AGGF1: variants seen among roughly 807,000 people sequenced by gnomAD.
The protein encoded by AGGF1 is angiogenic factor with G-patch and FHA domains 1.
In AGGF1, 56 loss-of-function variants were observed where a neutral mutation model predicts 86.5. That is an observed-to-expected ratio of 0.65 (90% confidence interval 0.52 to 0.81). The LOEUF is 0.81. Among genes scored for constraint, AGGF1 ranks in the 30% least tolerant of loss-of-function variants. The pLI, the probability that AGGF1 is intolerant of heterozygous loss-of-function variation, is 0.00. For missense variants in AGGF1, 816 were observed against 850.9 expected (o/e 0.96, Z 0.51); for synonymous variants, 313 against 297.1 (o/e 1.05, Z -0.55).
In AGGF1 at chr5:77,048,136, A is replaced by G. The variant is rs377502708; in HGVS notation, c.1202-25A>G. 2.0e-5 allele frequency: 28 copies of G among 1,411,330 alleles called. No homozygotes were observed. In the African/African-American group the frequency reaches 3.8e-4, roughly 19 times the overall value. 87.4% of individuals were successfully genotyped at this position (1,411,330 alleles called of 1,614,324 possible). ...TCTTTTTCATAGTAGTTAAATTAAT[A>G]TTTACTCACTTCTTTCCTTGGCAGA... On this transcript the variant is annotated intron_variant, in intron 6 of 13. Coordinates refer to ENST00000312916, the MANE Select transcript of AGGF1 (RefSeq NM_018046.5).
chr5:77,059,130 C>A (rs1422624048), intron 11 of AGGF1, among the ~76,000 whole-genome samples: 1 of 152,042 alleles, frequency 6.6e-6, no homozygotes, highest in Admixed American at 6.5e-5. Context: ...TTTTTCCCCC[C>A]AAACCCCAGG....
At chr5:77,051,368 G>A (rs1199917193) in intron 8 of AGGF1, among the ~76,000 whole-genome samples, 2 of 151,460 alleles carry the variant, frequency 1.3e-5, no homozygotes, top group African/African-American at 4.9e-5. Flanking sequence ...GGGAGGTGGA[G>A]CTTGCAGTGA....
chr5:77,054,143 G>A lies in AGGF1; in HGVS notation c.1633+13G>A. On this transcript the variant is annotated intron_variant, in intron 10 of 13. Transcript: ENST00000312916. ...GATGAATCTTTTGGTATGTGAAACA[G>A]ATTAAATGTGGCTGTGATAACATTT... 7 of 1,614,012 alleles carry A rather than the reference G, an allele frequency of 4.3e-6. No homozygotes were observed. The highest frequency in any genetic ancestry group is 2.2e-5 in the East Asian group (1 of 44,854).
chr5:77,040,162 G>A (rs1399207778), intron 5 of AGGF1, among the ~76,000 whole-genome samples: 4 of 148,968 alleles, frequency 2.7e-5, no homozygotes, highest in Non-Finnish European at 5.9e-5. Context: ...GGGCTGGAAT[G>A]CAATGGCGTG....
In AGGF1 at chr5:77,030,904, C is replaced by T. The variant is rs771920394; in HGVS notation, c.138C>T (p.Ile46=). 3 of 1,613,326 alleles carry T rather than the reference C, an allele frequency of 1.9e-6. No homozygotes were observed. Among genetic ancestry groups the T allele is most frequent in the Admixed American group, 1.7e-5 (1 of 60,030 alleles). The change falls in exon 1 of 14, where the codon ATC becomes ATT. Residue 46 remains isoleucine (I), a synonymous_variant. Coordinates refer to ENST00000312916, the MANE Select transcript of AGGF1 (RefSeq NM_018046.5). ...GCTGCAAGCGGCAGGTGCGGGAGAT[C>T]GAGAAGCTGCTGCATCACACAGAAC... ...LRSCKRQVRE[I]EKLLHHTERL...
Position 77,043,795 on chromosome 5 carries a change from C to T in AGGF1, c.871-2552C>T, listed in dbSNP as rs1337014740. ...CTCACTTCTCAGAGTGGGCAGCTGC[C>T]GGGCGGAGGGGCTCCTCACTTCTCA... On this transcript the variant is annotated intron_variant, in intron 5 of 13. Transcript: ENST00000312916. Among the ~76,000 whole-genome samples the T allele has an allele frequency of 2.0e-4, 24 of 119,182 alleles. 1 individual carries two copies. The highest frequency in any genetic ancestry group is 4.7e-4 in the African/African-American group (16 of 33,730). The allele number at this position is 119,182 out of a possible 152,430, so 78.2% of individuals were successfully genotyped here.
Position 77,030,746 on chromosome 5 carries a change from A to G in AGGF1, c.-21A>G. The G allele has an allele frequency of 2.6e-6, 4 of 1,555,592 alleles. No homozygotes were observed. The highest frequency in any genetic ancestry group is 3.5e-6 in the Non-Finnish European group (4 of 1,157,576). Reference sequence around the variant, plus strand: ...TGAACGCAGCCCCTCCGCGGCGACGAGCAGTCTCGCGCCGGAGCTCATGGC... The same window carrying G: ...TGAACGCAGCCCCTCCGCGGCGACGGGCAGTCTCGCGCCGGAGCTCATGGC... On this transcript the variant is annotated 5_prime_UTR_variant, in exon 1 of 14. Transcript: ENST00000312916.
At position 77,039,560 on chromosome 5, in the gene AGGF1, T is replaced by A; in HGVS notation, c.711T>A (p.Thr237=). ...ATCAACTCTATTATGATCCTTCCACTGGAATTTATTACTATTGTGATGTGG... is the reference window on the plus strand; with the variant it reads ...ATCAACTCTATTATGATCCTTCCACAGGAATTTATTACTATTGTGATGTGG... ...SENQLYYDPS[T]GIYYYCDVES... The change falls in exon 5 of 14, where the codon ACT becomes ACA. Residue 237 remains threonine (T), a synonymous_variant. Transcript: ENST00000312916. 1 of 1,610,506 alleles carries A rather than the reference T, an allele frequency of 6.2e-7. No individual in the cohort carries two copies. Among genetic ancestry groups the A allele is most frequent in the Non-Finnish European group, 8.5e-7 (1 of 1,178,228 alleles).
intron 5 of AGGF1, among the ~76,000 whole-genome samples, chr5:77,039,950 T>TA (rs1747039239): frequency 1.3e-5 from 2 of 152,120 alleles, no homozygotes; most frequent in Non-Finnish European, 2.9e-5. Flanking sequence ...TCAGATAAAA[T>TA]ATCTCGTATA....
At chr5:77,055,671 C>G in intron 11 of AGGF1, 75 bp downstream of exon 11, 1 of 1,009,838 alleles carries the variant, frequency 9.9e-7, no homozygotes, top group Non-Finnish European at 1.5e-6. Flanking sequence ...TAAATATGCT[C>G]AGTACATTTT....
chr5:77,048,451 A>G (rs1357899059), intron 7 of AGGF1, among the ~76,000 whole-genome samples, 179 bp downstream of exon 7: 1 of 152,118 alleles, frequency 6.6e-6, no homozygotes, highest in Non-Finnish European at 1.5e-5. Flanking sequence ...TCCTGGGTTC[A>G]AGCAGTTCTC....
rs896345602 is a variant in AGGF1 at position 77,059,559 on chromosome 5, GA to G, written c.1717-54del. On this transcript the variant is annotated intron_variant, in intron 11 of 13. Transcript: ENST00000312916. ...ATTCGTTAAGTAAGGCACATGTACAGAAATTGTTTTATTTATCAGCTTTCTT... is the reference window on the plus strand; with the variant it reads ...ATTCGTTAAGTAAGGCACATGTACAGAATTGTTTTATTTATCAGCTTTCTT... The G allele has an allele frequency of 4.7e-6, 7 of 1,491,170 alleles. No individual in the cohort carries two copies. The African/African-American group carries it at 8.3e-5, about 18-fold the overall frequency. 92.4% of individuals were successfully genotyped at this position (1,491,170 alleles called of 1,614,324 possible).
chr5:77,032,551 A>G (rs944296429), intron 1 of AGGF1, among the ~76,000 whole-genome samples: 103 of 142,648 alleles, frequency 7.2e-4, no homozygotes, highest in African/African-American at 2.6e-3. Flanking sequence ...GCGACAAAGC[A>G]AGACTCCGTC....
At chr5:77,055,218 A>G (rs952629605) in intron 10 of AGGF1, among the ~76,000 whole-genome samples, 1 of 152,066 alleles carries the variant, frequency 6.6e-6, no homozygotes, top group Non-Finnish European at 1.5e-5. Flanking sequence ...ATATTTCTGC[A>G]TTTGAGATTC....
chr5:77,052,571 T>G, intron 8 of AGGF1, 135 bp from the exon 9 acceptor site: 2 of 616,666 alleles, frequency 3.2e-6, no homozygotes, highest in Non-Finnish European at 5.7e-6. Flanking sequence ...TAATAGTTTG[T>G]GTTTCTAAAA....
At chr5:77,036,127 T>G (rs114571126) in intron 3 of AGGF1, 1 of 257,322 alleles carries the variant, frequency 3.9e-6, no homozygotes, top group Non-Finnish European at 7.5e-6. Context: ...AATTTGTTTT[T>G]ATAGTTTGTT....
At chr5:77,040,528 T>TA (rs780162761) in intron 5 of AGGF1, among the ~76,000 whole-genome samples, 56 of 152,318 alleles carry the variant, frequency 3.7e-4, no homozygotes, top group Non-Finnish European at 6.5e-4. Flanking sequence ...AAGCGATAGT[T>TA]ACATTTAATT....
rs773749637 is a variant in AGGF1, at chr5:77,034,456, T to C, written c.249T>C (p.Asn83=). ...ELSKILQRGR[N]EDNKKSDVEV... ...GTAAAATACTCCAACGTGGGAGAAA[T>C]GAAGATAATAAAAAGTCTGATGTAG... is the stretch of plus-strand genomic sequence containing the variant. The change falls in exon 2 of 14, where the codon AAT becomes AAC. Residue 83 remains asparagine (N), a synonymous_variant. Transcript: ENST00000312916. 1 of 1,613,520 alleles carries C rather than the reference T, an allele frequency of 6.2e-7. No homozygotes were observed. Among genetic ancestry groups the C allele is most frequent in the East Asian group, 2.2e-5 (1 of 44,768 alleles).
intron 6 of AGGF1, among the ~76,000 whole-genome samples, chr5:77,047,511 C>T (rs76699091): frequency 0.024 from 3,706 of 152,098 alleles, 69 homozygotes; most frequent in African/African-American, 0.055. Flanking sequence ...TTCTCAATGG[C>T]ATTTCTCTTG....
Sources: allele counts gnomAD v4.1 joint callset (sites outside exome capture counted in the v4.1 genomes callset), GRCh38; gene constraint gnomAD v4.1.1; transcripts MANE v1.5; gene names NCBI Gene and HGNC (gene_info 2026-07-23, HGNC 2026-07-21).